The following TRIM5 variants were observed in gnomAD, a reference collection of about 807,000 sequenced individuals.
TRIM5 encodes the protein tripartite motif-containing protein 5.
Under a neutral mutation model 35.6 loss-of-function variants are expected in TRIM5, and 31 were observed. The observed-to-expected ratio is 0.87, with a 90% CI of 0.65 to 1.18. TRIM5 has a LOEUF of 1.18. TRIM5 is among the 50% of genes most tolerant of loss of function. TRIM5 has a pLI of 0.00. For synonymous variants in TRIM5, 243 were observed against 215.6 expected (o/e 1.13, Z -1.11); for missense variants, 609 against 591.6 (o/e 1.03, Z -0.31).
At chr11:5,637,948 C>A in the TRIM5 span, among the ~76,000 whole-genome samples, 1 of 152,174 alleles carries the variant, frequency 6.6e-6, no homozygotes, top group African/African-American at 2.4e-5. Flanking sequence ...CCCCATTTTT[C>A]TGGTAATAAC....
chr11:5,616,108 G>A, the TRIM5 span, among the ~76,000 whole-genome samples: 3 of 149,558 alleles, frequency 2.0e-5, no homozygotes, highest in East Asian at 2.0e-4. Context: ...CCACCACCAC[G>A]CCCGGCTAAT....
At chr11:5,590,736 T>C in the TRIM5 span, 1 of 152,300 alleles carries the variant, frequency 6.6e-6, no homozygotes, top group Admixed American at 6.5e-5. Context: ...TTCCACACTG[T>C]GGAAGCTTTG....
At chr11:5,608,178 ATTGAG>A in the TRIM5 span, among the ~76,000 whole-genome samples, 1 of 152,196 alleles carries the variant, frequency 6.6e-6, no homozygotes, top group African/African-American at 2.4e-5. Context: ...TGATGAGTCA[ATTGAG>A]TTATTTTTTG....
chr11:5,639,318 T>G, the TRIM5 span, among the ~76,000 whole-genome samples: 1 of 152,090 alleles, frequency 6.6e-6, no homozygotes, highest in South Asian at 2.1e-4. Context: ...TATAGAAACA[T>G]GATTACAGAC....
chr11:5,610,502 A>G, the TRIM5 span: 12 of 1,613,918 alleles, frequency 7.4e-6, no homozygotes, highest in African/African-American at 1.3e-4. Context: ...AGTTGGTCCT[A>G]TTCAACATTA....
the TRIM5 span, chr11:5,632,475 C>A: frequency 6.2e-7 from 1 of 1,613,998 alleles, no homozygotes; most frequent in East Asian, 2.2e-5. Flanking sequence ...AGGCAGTGAC[C>A]AGCATGGGAG....
chr11:5,668,859 A>G (rs1458187624), intron 4 of TRIM5, among the ~76,000 whole-genome samples: 1 of 152,068 alleles, frequency 6.6e-6, no homozygotes, highest in East Asian at 1.9e-4. Flanking sequence ...CCAATTCCCT[A>G]CTTTTACCCA....
At chr11:5,662,767 A>G (rs1850873705), downstream of TRIM5, among the ~76,000 whole-genome samples, 1 of 152,210 alleles carries the variant, frequency 6.6e-6, no homozygotes, top group Admixed American at 6.5e-5. Flanking sequence ...ATAATTTTGA[A>G]AAGAACTATT....
the TRIM5 span, among the ~76,000 whole-genome samples, chr11:5,657,868 G>A: frequency 2.7e-5 from 4 of 150,414 alleles, no homozygotes; most frequent in South Asian, 6.3e-4. Context: ...TGAGAGCCTC[G>A]GCCTCCCAAA....
chr11:5,600,008 A>G, the TRIM5 span, among the ~76,000 whole-genome samples: 1 of 152,334 alleles, frequency 6.6e-6, no homozygotes, highest in East Asian at 1.9e-4. Flanking sequence ...AAAGGAAATA[A>G]TAGTGCAGTT....
At chr11:5,612,492 T>C in the TRIM5 span, 1 of 152,254 alleles carries the variant, frequency 6.6e-6, no homozygotes, top group African/African-American at 2.4e-5. Flanking sequence ...CCAATACATA[T>C]TTTTCTCTCA....
the TRIM5 span, chr11:5,603,111 C>G: frequency 7.1e-7 from 1 of 1,412,754 alleles, no homozygotes; most frequent in Non-Finnish European, 9.4e-7. Context: ...GGATAAAGAA[C>G]GTATTGGATA....
chr11:5,681,386 C>A (rs1852436354), intron 1 of TRIM5, among the ~76,000 whole-genome samples: 1 of 152,166 alleles, frequency 6.6e-6, no homozygotes, highest in African/African-American at 2.4e-5. Context: ...AGCTTATATA[C>A]CTTCTAAGCT....
At position 5,663,576 on chromosome 11, in the gene TRIM5, G is replaced by A; in HGVS notation, c.*1233C>T. ...CTTAGATAGATGCTTTATACTTCAGGAATTTATTTTTTCACAATGATCCAA... is the reference window on the plus strand; with the variant it reads ...CTTAGATAGATGCTTTATACTTCAGAAATTTATTTTTTCACAATGATCCAA... On this transcript the variant is annotated 3_prime_UTR_variant, in exon 8 of 8. Transcript: ENST00000380034. 1.0e-6 allele frequency: 1 copy of A among 971,272 alleles called. No individual in the cohort carries two copies. The highest frequency in any genetic ancestry group is 1.2e-6 in the Non-Finnish European group (1 of 817,044). The allele number at this position is 971,272 out of a possible 1,614,324, so 60.2% of individuals were successfully genotyped here. A position where few individuals can be genotyped will look rare whatever the true frequency, so the allele number is the denominator to read the frequency against.
the TRIM5 span, among the ~76,000 whole-genome samples, chr11:5,617,383 C>T: frequency 6.9e-6 from 1 of 144,452 alleles, no homozygotes; most frequent in Non-Finnish European, 1.5e-5. Flanking sequence ...CACACATTTC[C>T]ACCTGACCAC....
In TRIM5 at chr11:5,664,746, A is replaced by G; in HGVS notation, c.*63T>C. On this transcript the variant is annotated 3_prime_UTR_variant, in exon 8 of 8. Transcript: ENST00000380034. ...TGGTTAAAATGATGCAAATGAGTTC[A>G]GGTGTATGAGATGCACCTGGACAAG... 6.6e-7 allele frequency: 1 copy of G among 1,513,036 alleles called. No homozygotes were observed. Among genetic ancestry groups the G allele is most frequent in the Non-Finnish European group, 8.8e-7 (1 of 1,135,038 alleles). 93.7% of individuals were successfully genotyped at this position (1,513,036 alleles called of 1,614,324 possible). A position where few individuals can be genotyped will look rare whatever the true frequency, so the allele number is the denominator to read the frequency against.
At chr11:5,653,496 G>GTTTT in the TRIM5 span, among the ~76,000 whole-genome samples, 1 of 132,660 alleles carries the variant, frequency 7.5e-6, no homozygotes, top group Non-Finnish European at 1.6e-5. Flanking sequence ...TGTTTTTTTT[G>GTTTT]TTTTTTTTTT....
At chr11:5,655,160 TC>T in the TRIM5 span, among the ~76,000 whole-genome samples, 1 of 146,596 alleles carries the variant, frequency 6.8e-6, no homozygotes, top group Non-Finnish European at 1.5e-5. Context: ...GCCATTGCAC[TC>T]CAGCTTGGGC....
intron 4 of TRIM5, among the ~76,000 whole-genome samples, chr11:5,674,050 G>T (rs1242886770): frequency 6.6e-6 from 1 of 151,912 alleles, no homozygotes; most frequent in Admixed American, 6.6e-5. Flanking sequence ...AAACGATACA[G>T]AAAGGTTAAA....
Sources: allele counts gnomAD v4.1 joint callset (sites outside exome capture counted in the v4.1 genomes callset), GRCh38; gene constraint gnomAD v4.1.1; transcripts MANE v1.5; gene names NCBI Gene and HGNC (gene_info 2026-07-23, HGNC 2026-07-21).